SETDB2: variants seen among roughly 807,000 people sequenced by gnomAD.
The protein encoded by SETDB2 is SET domain bifurcated histone lysine methyltransferase 2, also known as histone-lysine N-methyltransferase SETDB2.
In SETDB2, 56 loss-of-function variants were observed where a neutral mutation model predicts 82.5. That is an observed-to-expected ratio of 0.68 (90% CI 0.55 to 0.85). The LOEUF is 0.85. SETDB2 is among the 40% of genes least tolerant of loss of function. The pLI is 0.00. For missense variants in SETDB2, 677 were observed against 816.4 expected (o/e 0.83, Z 2.08); for synonymous variants, 272 against 284.9 (o/e 0.95, Z 0.46).
At chr13:49,466,029 T>C (rs1429855798) in intron 4 of SETDB2, among the ~76,000 whole-genome samples, 2 of 152,192 alleles carry the variant, frequency 1.3e-5, no homozygotes, top group Non-Finnish European at 2.9e-5. Context: ...AGATATTTGA[T>C]TGGCTACTGT....
intron 5 of SETDB2, among the ~76,000 whole-genome samples, chr13:49,472,276 T>C (rs1237591766): frequency 6.6e-6 from 1 of 152,194 alleles, no homozygotes; most frequent in African/African-American, 2.4e-5. Context: ...TTTTAAAATA[T>C]GCCCCCTTAA....
intron 2 of SETDB2, among the ~76,000 whole-genome samples, chr13:49,455,241 A>G (rs925179176): frequency 6.6e-6 from 1 of 152,178 alleles, no homozygotes; most frequent in African/African-American, 2.4e-5. Context: ...TGAAGAAGGA[A>G]GAGTATTTCA....
intron 5 of SETDB2, among the ~76,000 whole-genome samples, chr13:49,474,727 C>T (rs112075375): frequency 1.3e-3 from 202 of 152,302 alleles, no homozygotes; most frequent in African/African-American, 4.6e-3. Flanking sequence ...TGTGGACTTA[C>T]GCAAAGGATT....
rs535863568 is a variant in SETDB2 at position 49,468,193 on chromosome 13, G to T, written c.305+233G>T. Among the ~76,000 whole-genome samples, 5 of 152,134 alleles carry T rather than the reference G, an allele frequency of 3.3e-5. No individual in the cohort carries two copies. The South Asian group carries it at 1.0e-3, about 32-fold the overall frequency. On this transcript the variant is annotated intron_variant, in intron 5 of 13. Transcript: ENST00000611815. ...ATAAAGTTTAGCTTAAGATGTCTTT[G>T]TGTATTTTATTAATACACTGAAATC... is the stretch of plus-strand genomic sequence containing the variant.
At chr13:49,489,927 T>TCC (rs547089379) in intron 12 of SETDB2, among the ~76,000 whole-genome samples, 1 of 78,546 alleles carries the variant, frequency 1.3e-5, no homozygotes, top group Non-Finnish European at 2.6e-5. Flanking sequence ...CCTTTTTTTT[T>TCC]TACATAAAAC....
chr13:49,488,764 A>C (rs1001808357), intron 12 of SETDB2, 134 bp downstream of exon 12: 4 of 684,988 alleles, frequency 5.8e-6, no homozygotes, highest in Non-Finnish European at 9.5e-6. Context: ...ACTTGTATAC[A>C]GTTGGATGTT....
At chr13:49,485,151 C>T (rs970979437) in intron 10 of SETDB2, among the ~76,000 whole-genome samples, 42 of 152,294 alleles carry the variant, frequency 2.8e-4, no homozygotes, top group African/African-American at 8.2e-4. Context: ...TGAGTATATA[C>T]GCCTCTTTTA....
intron 4 of SETDB2, among the ~76,000 whole-genome samples, chr13:49,466,687 C>T (rs1958120682): frequency 6.6e-6 from 1 of 152,082 alleles, no homozygotes; most frequent in Non-Finnish European, 1.5e-5. Flanking sequence ...CTCTGTCGCT[C>T]AGGCTGGAGT....
chr13:49,488,368 A>G lies in SETDB2; in HGVS notation c.1655A>G (p.Tyr552Cys). 6.2e-7 allele frequency: 1 copy of G among 1,612,238 alleles called. No individual in the cohort carries two copies. Among genetic ancestry groups the G allele is most frequent in the African/African-American group, 1.3e-5 (1 of 74,790 alleles). Residue 552 changes from tyrosine to cysteine, a missense_variant, in exon 12 of 14, where the codon TAT becomes TGT. Physicochemically the swap from Tyr to Cys is radical, Grantham distance 194. This residue lies in a region of SETDB2 where 420 missense variants were observed against 554.6 expected (regional missense o/e 0.76). Coordinates refer to ENST00000611815, the MANE Select transcript of SETDB2 (RefSeq NM_001160308.3). Reference sequence around the variant, plus strand: ...TCAGATGTGATAGATATAACTAAATATAGAGAAGAAACTCCACCAAGGAGC... The same window carrying G: ...TCAGATGTGATAGATATAACTAAATGTAGAGAAGAAACTCCACCAAGGAGC... ...IESDVIDITK[Y>C]REETPPRSRC...
At chr13:49,486,166 G>A (rs1386303016) in intron 11 of SETDB2, among the ~76,000 whole-genome samples, 3 of 152,050 alleles carry the variant, frequency 2.0e-5, no homozygotes, top group African/African-American at 4.8e-5. Flanking sequence ...ATAGCCAGGT[G>A]TGGTGGTGCA....
At chr13:49,482,523 G>GT (rs905154368) in intron 8 of SETDB2, among the ~76,000 whole-genome samples, 73 of 151,150 alleles carry the variant, frequency 4.8e-4, no homozygotes, top group African/African-American at 1.5e-3. Context: ...CAGACAAATG[G>GT]TTTTTTTTTA....
At chr13:49,465,067 C>T (rs901600146) in intron 4 of SETDB2, among the ~76,000 whole-genome samples, 1 of 119,048 alleles carries the variant, frequency 8.4e-6, no homozygotes, top group Non-Finnish European at 1.8e-5. Context: ...GAGTGAGACC[C>T]TGTCTAAAAA....
chr13:49,461,694 G>A (rs578074342), intron 4 of SETDB2, among the ~76,000 whole-genome samples: 2 of 152,286 alleles, frequency 1.3e-5, no homozygotes, highest in South Asian at 2.1e-4. Context: ...AGTATTCTGT[G>A]GACACCAATG....
At chr13:49,459,305 T>C (rs1361606012) in intron 2 of SETDB2, among the ~76,000 whole-genome samples, 1 of 152,204 alleles carries the variant, frequency 6.6e-6, no homozygotes, top group Non-Finnish European at 1.5e-5. Context: ...ATGTATTTTT[T>C]GTAAGCCATC....
In SETDB2 at chr13:49,493,526, G is replaced by A. The variant is rs1254439596; in HGVS notation, c.*1677G>A. 6.6e-6 allele frequency: 1 copy of A among 152,166 alleles called. No homozygotes were observed. Among genetic ancestry groups the A allele is most frequent in the African/African-American group, 2.4e-5 (1 of 41,426 alleles). The allele number at this position is 152,166 out of a possible 1,614,324, so 9.4% of individuals were successfully genotyped here. ...GAGATTCACTTTGTCTCTTATGTGG[G>A]ATCTGTTTCCAGTTAGATGCCATTA... On this transcript the variant is annotated 3_prime_UTR_variant, in exon 14 of 14. Coordinates refer to ENST00000611815, the MANE Select transcript of SETDB2 (RefSeq NM_001160308.3).
intron 10 of SETDB2, 57 bp downstream of exon 10, chr13:49,483,620 T>G (rs1396275988): frequency 2.7e-5 from 6 of 222,570 alleles, no homozygotes; most frequent in South Asian, 1.7e-4. Context: ...TTTTTTTTTT[T>G]TTTTTTTTTT....
rs558953483 is a variant in SETDB2, at chr13:49,470,872, G to T, written c.305+2912G>T. 1.4e-4 allele frequency among the ~76,000 whole-genome samples: 21 copies of T among 151,962 alleles called. 1 individual carries two copies. The highest frequency in any genetic ancestry group is 4.6e-4 in the African/African-American group (19 of 41,450). On this transcript the variant is annotated intron_variant, in intron 5 of 13. Coordinates refer to ENST00000611815, the MANE Select transcript of SETDB2 (RefSeq NM_001160308.3). ...AAAAAGATTATACAAACTATCAACG[G>T]CAAACCCCAGGATGAAATCTTGGGT...
intron 4 of SETDB2, among the ~76,000 whole-genome samples, chr13:49,467,537 AT>A (rs1156330005): frequency 6.6e-6 from 1 of 152,200 alleles, no homozygotes; most frequent in East Asian, 1.9e-4. Flanking sequence ...GCCTTTAAGA[AT>A]TATGTGATTT....
rs896630822 is a variant in SETDB2, at chr13:49,459,932, T to C, written c.17-175T>C. 8 of 560,422 alleles carry C rather than the reference T, an allele frequency of 1.4e-5. No individual in the cohort carries two copies. In the African/African-American group the frequency reaches 1.6e-4, roughly 11 times the overall value. The allele number at this position is 560,422 out of a possible 1,614,324, so 34.7% of individuals were successfully genotyped here. A position where few individuals can be genotyped will look rare whatever the true frequency, so the allele number is the denominator to read the frequency against. ...AATGGGTAAGATACTTAGATCATATTGTTTCTAGCTCTTTGTAAGGAAACA... is the reference window on the plus strand; with the variant it reads ...AATGGGTAAGATACTTAGATCATATCGTTTCTAGCTCTTTGTAAGGAAACA... On this transcript the variant is annotated intron_variant, in intron 2 of 13. Coordinates refer to ENST00000611815, the MANE Select transcript of SETDB2 (RefSeq NM_001160308.3).
Sources: gnomAD v4.1 joint callset for allele counts (sites outside exome capture counted in the v4.1 genomes callset) on GRCh38, gnomAD v4.1.1 for gene constraint, gnomAD v4.1.1 regional missense constraint, MANE v1.5 for transcripts, NCBI Gene and HGNC (gene_info 2026-07-23, HGNC 2026-07-21) for gene names.